The following PLPPR1 variants were observed in gnomAD, a reference collection of about 807,000 sequenced individuals.
PLPPR1 encodes phospholipid phosphatase-related protein type 1.
Under a neutral mutation model 33.1 loss-of-function variants are expected in PLPPR1, and 10 were observed. The observed-to-expected ratio is 0.30, with a 90% confidence interval of 0.19 to 0.51. The LOEUF is 0.51. Ranked by LOEUF, PLPPR1 falls within the 20% of genes least tolerant of loss-of-function variation. PLPPR1 has a pLI of 0.97. For synonymous variants in PLPPR1, 151 were observed against 151.0 expected (o/e 1.00, Z 0.00); for missense variants, 304 against 408.1 (o/e 0.74, Z 2.20).
chr9:101,045,192 G>A (rs1217907959), intron 1 of PLPPR1, among the ~76,000 whole-genome samples: 2 of 152,208 alleles, frequency 1.3e-5, no homozygotes, highest in Non-Finnish European at 2.9e-5. Context: ...CTCGACCTCT[G>A]TAGAGCTGGG....
At chr9:101,064,080 G>T (rs773944816) in intron 1 of PLPPR1, among the ~76,000 whole-genome samples, 2 of 152,020 alleles carry the variant, frequency 1.3e-5, no homozygotes, top group Non-Finnish European at 2.9e-5. Flanking sequence ...TAAATTTATA[G>T]ATCTATGATT....
chr9:101,157,147 A>G (rs1296215118), intron 1 of PLPPR1, among the ~76,000 whole-genome samples: 1 of 152,220 alleles, frequency 6.6e-6, no homozygotes, highest in African/African-American at 2.4e-5. Context: ...CTAAATACCT[A>G]AGCCAGCTTA....
chr9:101,261,661 C>T (rs1474771120), intron 2 of PLPPR1, among the ~76,000 whole-genome samples: 4 of 152,082 alleles, frequency 2.6e-5, no homozygotes, highest in African/African-American at 9.7e-5. Flanking sequence ...GAATAGTATG[C>T]ATCCATAAAA....
chr9:101,055,987 T>C (rs1365016868), intron 1 of PLPPR1, among the ~76,000 whole-genome samples: 1 of 152,222 alleles, frequency 6.6e-6, no homozygotes, highest in Non-Finnish European at 1.5e-5. Context: ...TTTATGCAAG[T>C]TATTAATACA....
chr9:101,046,314 C>G (rs1173476698), intron 1 of PLPPR1, among the ~76,000 whole-genome samples: 1 of 152,102 alleles, frequency 6.6e-6, no homozygotes, highest in African/African-American at 2.4e-5. Flanking sequence ...CCCTCCCCTT[C>G]CCCCAGACTG....
At chr9:101,171,667 T>C (rs1407797897) in intron 1 of PLPPR1, among the ~76,000 whole-genome samples, 1 of 152,198 alleles carries the variant, frequency 6.6e-6, no homozygotes, top group Non-Finnish European at 1.5e-5. Flanking sequence ...TCCCACATCA[T>C]CTATTGGTGA....
At chr9:101,099,588 C>T (rs975553267) in intron 1 of PLPPR1, among the ~76,000 whole-genome samples, 2 of 152,130 alleles carry the variant, frequency 1.3e-5, no homozygotes, top group African/African-American at 4.8e-5. Context: ...CCCTTTGCAT[C>T]ATTCCCTAGA....
chr9:101,194,651 T>C (rs1020235169), intron 2 of PLPPR1, among the ~76,000 whole-genome samples: 1 of 150,974 alleles, frequency 6.6e-6, no homozygotes, highest in Non-Finnish European at 1.5e-5. Context: ...CTTGGGAGGC[T>C]GAGGCAGTAG....
intron 1 of PLPPR1, among the ~76,000 whole-genome samples, chr9:101,086,181 T>C (rs1830672875): frequency 6.6e-6 from 1 of 152,222 alleles, no homozygotes; most frequent in Non-Finnish European, 1.5e-5. Flanking sequence ...AGGACATTTA[T>C]CTCTGTATAC....
chr9:101,207,787 G>T (rs1431461), intron 2 of PLPPR1, among the ~76,000 whole-genome samples: 45 of 152,192 alleles, frequency 3.0e-4, no homozygotes, highest in Non-Finnish European at 5.4e-4. Flanking sequence ...TTTGAAAAAA[G>T]AAAGAGTGCT....
intron 1 of PLPPR1, among the ~76,000 whole-genome samples, chr9:101,146,488 G>T (rs571985871): frequency 2.6e-5 from 4 of 152,320 alleles, no homozygotes; most frequent in African/African-American, 9.6e-5. Flanking sequence ...TATGCAGAAA[G>T]AAAGGCAGGA....
chr9:101,081,656 T>C (rs1165843604), intron 1 of PLPPR1, among the ~76,000 whole-genome samples: 1 of 151,804 alleles, frequency 6.6e-6, no homozygotes, highest in Non-Finnish European at 1.5e-5. Context: ...ACAGTAAATT[T>C]AGATTAATTT....
intron 1 of PLPPR1, among the ~76,000 whole-genome samples, chr9:101,133,401 G>A (rs1831339475): frequency 6.6e-6 from 1 of 152,132 alleles, no homozygotes; most frequent in Non-Finnish European, 1.5e-5. Context: ...AAAGTGAACA[G>A]GTTGAATTTG....
intron 2 of PLPPR1, among the ~76,000 whole-genome samples, chr9:101,190,504 G>A (rs1826279073): frequency 6.6e-6 from 1 of 152,136 alleles, no homozygotes; most frequent in Non-Finnish European, 1.5e-5. Context: ...ATAGTGGAAT[G>A]CTGATGTGCA....
chr9:101,106,012 C>T (rs1407789190), intron 1 of PLPPR1, among the ~76,000 whole-genome samples: 1 of 150,120 alleles, frequency 6.7e-6, no homozygotes. Flanking sequence ...GTAGATCTTC[C>T]TCCATCCTTT....
At chr9:101,238,150 T>TAC (rs1827357957) in intron 2 of PLPPR1, among the ~76,000 whole-genome samples, 3 of 138,532 alleles carry the variant, frequency 2.2e-5, no homozygotes, top group African/African-American at 7.8e-5. Context: ...CACATATATA[T>TAC]ACATATACAC....
chr9:101,235,342 C>T lies in PLPPR1; in HGVS notation c.64-34538C>T, dbSNP rs117785331. On this transcript the variant is annotated intron_variant, in intron 2 of 7. Coordinates refer to ENST00000374874, the MANE Select transcript of PLPPR1 (RefSeq NM_207299.2). ...GAACTGTTTAATTTCACTCTCATGA[C>T]GGTTAGATGGGAGCTGTAAGCATTA... Among the ~76,000 whole-genome samples the T allele has an allele frequency of 5.0e-3, 760 of 151,904 alleles. 1 individual carries two copies. Among genetic ancestry groups the T allele is most frequent in the Non-Finnish European group, 8.2e-3 (559 of 67,848 alleles).
At chr9:101,292,450 C>G (rs373819518) in intron 4 of PLPPR1, among the ~76,000 whole-genome samples, 18 of 152,216 alleles carry the variant, frequency 1.2e-4, no homozygotes, top group African/African-American at 4.1e-4. Context: ...ATGCCACAAA[C>G]ATACTCCTCG....
At chr9:101,239,431 G>A (rs1827405610) in intron 2 of PLPPR1, among the ~76,000 whole-genome samples, 2 of 151,680 alleles carry the variant, frequency 1.3e-5, no homozygotes, top group South Asian at 4.2e-4. Context: ...ATGGGTGATG[G>A]GATAATTCAT....
Sources: allele counts gnomAD v4.1 joint callset (sites outside exome capture counted in the v4.1 genomes callset), GRCh38; gene constraint gnomAD v4.1.1; transcripts MANE v1.5; gene names NCBI Gene and HGNC (gene_info 2026-07-23, HGNC 2026-07-21).